CDK12: variants seen among roughly 807,000 people sequenced by gnomAD.
CDK12 encodes the protein cyclin dependent kinase 12.
A neutral mutation model predicts 133.8 loss-of-function variants in CDK12; 17 were observed. That is an observed-to-expected ratio of 0.13 (90% CI 0.09 to 0.19). The LOEUF (loss-of-function observed/expected upper bound fraction) is 0.19. Ranked by LOEUF, CDK12 falls within the 10% of genes least tolerant of loss-of-function variation. The pLI is 1.00. For missense variants in CDK12, 1,508 were observed against 1,818.7 expected, an observed-to-expected ratio of 0.83 and a Z score of 3.11; for synonymous variants, 694 against 683.6, an observed-to-expected ratio of 1.02 and a Z score of -0.24.
intron 5 of CDK12, among the ~76,000 whole-genome samples, chr17:39,499,212 T>TCTTTTCTTTTC (rs1365654268): frequency 2.2e-5 from 2 of 92,030 alleles, no homozygotes; most frequent in African/African-American, 9.8e-5. Context: ...TCTTTCCTTT[T>TCTTTTCTTTTC]TTTTTTTTTT....
chr17:39,530,576 G>A, intron 13 of CDK12, 28 bp from the exon 14 acceptor site: 1 of 1,531,892 alleles, frequency 6.5e-7, no homozygotes, highest in Non-Finnish European at 8.8e-7. Context: ...TTTTAAGATG[G>A]TGTTTAAAAG....
chr17:39,511,690 GT>G, intron 8 of CDK12, 60 bp downstream of exon 8: 1 of 1,100,710 alleles, frequency 9.1e-7, no homozygotes. Context: ...CTTGTACTTT[GT>G]TTTCTCTGTA....
At chr17:39,540,098 C>T (rs2055340337) in intron 1 of CDK12, among the ~76,000 whole-genome samples, 1 of 152,076 alleles carries the variant, frequency 6.6e-6, no homozygotes, top group Admixed American at 6.5e-5. Flanking sequence ...TTGTTCTTGC[C>T]AAGACATGAA....
At chr17:39,508,629 A>G (rs2053283670) in intron 6 of CDK12, among the ~76,000 whole-genome samples, 2 of 152,020 alleles carry the variant, frequency 1.3e-5, no homozygotes, top group Admixed American at 6.6e-5. Flanking sequence ...GCACACATTT[A>G]CCTACGTAAC....
In CDK12 at chr17:39,462,504, G is replaced by T; in HGVS notation, c.433G>T (p.Asp145Tyr). The change falls in exon 1 of 14, where the codon GAC (aspartate) becomes TAC (tyrosine). Residue 145 changes from aspartate (D) to tyrosine (Y), a missense_variant. Around this residue, in one of 9 missense-constraint regions of CDK12, gnomAD observed 460 missense variants for 490.8 expected, o/e 0.94. Coordinates refer to ENST00000447079, the MANE Select transcript of CDK12 (RefSeq NM_016507.4). ...EVSSKSGSMK[D>Y]RISGSSKRSN... ...CTCCAGCAAGTCGGGATCGATGAAG[G>T]ACCGGATATCGGGAAGTTCAAAGCG... 1 of 1,614,132 alleles carries T rather than the reference G, an allele frequency of 6.2e-7. No homozygotes were observed. Among genetic ancestry groups the T allele is most frequent in the Non-Finnish European group, 8.5e-7 (1 of 1,180,032 alleles).
chr17:39,462,613 A>C lies in CDK12; in HGVS notation c.542A>C (p.Lys181Thr). 5.6e-6 allele frequency: 9 copies of C among 1,614,176 alleles called. No homozygotes were observed. Among genetic ancestry groups the C allele is most frequent in the Non-Finnish European group, 7.6e-6 (9 of 1,180,038 alleles). Residue 181 changes from lysine (K) to threonine (T), a missense_variant, in exon 1 of 14, where the codon AAG (lysine) becomes ACG (threonine). By Grantham distance (78) the Lys-to-Thr change is moderately conservative (BLOSUM62 -1). This residue lies in a region of CDK12 where 460 missense variants were observed against 490.8 expected (regional missense o/e 0.94). Transcript: ENST00000447079. The stretch of plus-strand genomic sequence containing the variant: ...GAATCCAGGTCATCCAAGCTCCACA[A>C]GGAGAAGACCAGGAAAGAACGGGAG... The part of the protein sequence containing the change: ...SKESRSSKLH[K>T]EKTRKERELK...
Position 39,532,264 on chromosome 17 carries a change from T to C in CDK12, c.*948T>C. The C allele has an allele frequency of 4.3e-6, 1 of 233,310 alleles. No individual in the cohort carries two copies. The highest frequency in any genetic ancestry group is 5.6e-5 in the Admixed American group (1 of 17,786). 14.5% of individuals were successfully genotyped at this position (233,310 alleles called of 1,614,324 possible). On this transcript the variant is annotated 3_prime_UTR_variant, in exon 14 of 14. Transcript: ENST00000447079. ...TTTTTTGAAATAAAGGAAAGGAAAT[T>C]CAGACTCTTACATTGTTCTCTGTAA...
chr17:39,564,317 G>A (rs1002141491), intron 3 of CDK12, among the ~76,000 whole-genome samples: 1 of 152,134 alleles, frequency 6.6e-6, no homozygotes, highest in Non-Finnish European at 1.5e-5. Flanking sequence ...CCAAGAGGGG[G>A]TTACAGAGAA....
In CDK12 at chr17:39,469,086, G is replaced by A. The variant is rs1042523677; in HGVS notation, c.1047-1793G>A. Among the ~76,000 whole-genome samples, 65 of 150,406 alleles carry A rather than the reference G, an allele frequency of 4.3e-4. 1 individual carries two copies. Among genetic ancestry groups the A allele is most frequent in the African/African-American group, 1.2e-3 (49 of 40,992 alleles). On this transcript the variant is annotated intron_variant, in intron 1 of 13. Transcript: ENST00000447079. ...TCGTGATCTGCTGCCTCGGCCTCCC[G>A]AAGTGCTGGGATTACAGGCGTGAGC...
At chr17:39,536,650 T>C (rs2055146944), downstream of CDK12, among the ~76,000 whole-genome samples, 1 of 152,224 alleles carries the variant, frequency 6.6e-6, no homozygotes, top group Non-Finnish European at 1.5e-5. Flanking sequence ...GAGGGCTCTC[T>C]GGTATCTAAG....
At chr17:39,491,755 G>A (rs1334944069) in intron 3 of CDK12, among the ~76,000 whole-genome samples, 9 of 148,266 alleles carry the variant, frequency 6.1e-5, no homozygotes, top group Non-Finnish European at 1.5e-5. Context: ...CAGGCTGGAG[G>A]CACCTGCCAC....
At chr17:39,552,608 G>A (rs1016503124) in intron 2 of CDK12, among the ~76,000 whole-genome samples, 3 of 152,310 alleles carry the variant, frequency 2.0e-5, no homozygotes, top group South Asian at 2.1e-4. Context: ...TTGCAGTCAT[G>A]TTAGAGCTAG....
chr17:39,508,308 A>G (rs564081552), intron 6 of CDK12, among the ~76,000 whole-genome samples: 1 of 152,290 alleles, frequency 6.6e-6, no homozygotes, highest in African/African-American at 2.4e-5. Context: ...CACCTACACC[A>G]GCTTCCTATA....
chr17:39,555,828 TACAC>T (rs60227908), intron 2 of CDK12, among the ~76,000 whole-genome samples: 4,035 of 108,544 alleles, frequency 0.037, 153 homozygotes, highest in African/African-American at 0.082. Flanking sequence ...ACCTCATCTC[TACAC>T]ACACACACAC....
At chr17:39,516,430 C>A (rs2053808941) in intron 9 of CDK12, among the ~76,000 whole-genome samples, 2 of 151,242 alleles carry the variant, frequency 1.3e-5, no homozygotes, top group Admixed American at 6.6e-5. Context: ...GATCATAGTT[C>A]ACTGCAGCCT....
At position 39,482,015 on chromosome 17, in the gene CDK12, C is replaced by CATTTTTTTTTTTTTTTTTTT. The variant is rs773073791; in HGVS notation, c.1932-8542_1932-8541insATTTTTTTTTTTTTTTTTTT. ...GATTACAGGCATGAGCCTGGCTTGC[C>CATTTTTTTTTTTTTTTTTTT]TTTTTTTTTTTTTTTTAACAGAGTT... On this transcript the variant is annotated intron_variant, in intron 2 of 13. Coordinates refer to ENST00000447079, the MANE Select transcript of CDK12 (RefSeq NM_016507.4). Among the ~76,000 whole-genome samples, 50 of 96,252 alleles carry CATTTTTTTTTTTTTTTTTTT rather than the reference C, an allele frequency of 5.2e-4. 13 individuals carry two copies. The highest frequency in any genetic ancestry group is 1.2e-3 in the Admixed American group (10 of 8,246). The allele number at this position is 96,252 out of a possible 152,430, so 63.1% of individuals were successfully genotyped here.
At chr17:39,475,751 T>C (rs2050144953) in intron 2 of CDK12, among the ~76,000 whole-genome samples, 1 of 151,948 alleles carries the variant, frequency 6.6e-6, no homozygotes, top group Admixed American at 6.6e-5. Context: ...TTCACCATGT[T>C]GGCCAGGCTG....
intron 6 of CDK12, among the ~76,000 whole-genome samples, chr17:39,502,523 A>G (rs1017927457): frequency 6.6e-6 from 1 of 152,178 alleles, no homozygotes; most frequent in African/African-American, 2.4e-5. Context: ...TCCCCTCTTT[A>G]TGGTGTAGAA....
At chr17:39,538,900 AATAAATAC>A (rs917172276), downstream of CDK12, among the ~76,000 whole-genome samples, 13 of 141,102 alleles carry the variant, frequency 9.2e-5, no homozygotes, top group African/African-American at 3.5e-4. Flanking sequence ...CTCCATCTCA[AATAAATAC>A]ATACATACAT....
Sources: gnomAD v4.1 joint callset for allele counts (sites outside exome capture counted in the v4.1 genomes callset) on GRCh38, gnomAD v4.1.1 for gene constraint, gnomAD v4.1.1 regional missense constraint, MANE v1.5 for transcripts, NCBI Gene and HGNC (gene_info 2026-07-23, HGNC 2026-07-21) for gene names.